Variants in SPTAN1 observed in about 807,000 individuals in gnomAD.
The protein encoded by SPTAN1 is spectrin alpha, non-erythrocytic 1, also known as spectrin alpha chain, non-erythrocytic 1.
SPTAN1 carries 61 observed loss-of-function variants against 331.3 expected under a neutral mutation model. The observed-to-expected ratio is 0.18, with a 90% confidence interval of 0.15 to 0.23. SPTAN1 has a LOEUF of 0.23. SPTAN1 is among the 10% of genes least tolerant of loss of function. SPTAN1 has a pLI of 1.00. For synonymous variants in SPTAN1, 1,153 were observed against 1,173.9 expected, an observed-to-expected ratio of 0.98 and a Z score of 0.36; for missense variants, 2,043 against 3,147.9, an observed-to-expected ratio of 0.65 and a Z score of 8.40.
At position 128,588,570 on chromosome 9, in the gene SPTAN1, C is replaced by G. The variant is rs928477604; in HGVS notation, c.2872-239C>G. Reference sequence around the variant, plus strand: ...AGGTGATCTGCCTGCCTCAGCCTCCCAAAGTGCTGAGATTACACGTATGAG... The same window carrying G: ...AGGTGATCTGCCTGCCTCAGCCTCCGAAAGTGCTGAGATTACACGTATGAG... On this transcript the variant is annotated intron_variant, in intron 20 of 56. Coordinates refer to ENST00000372739, the MANE Select transcript of SPTAN1 (RefSeq NM_001130438.3). 5.3e-5 allele frequency among the ~76,000 whole-genome samples: 8 copies of G among 152,032 alleles called. No homozygotes were observed. In the East Asian group the frequency reaches 1.5e-3, roughly 29 times the overall value.
At chr9:128,561,649 C>T (rs1253113272) in intron 1 of SPTAN1, among the ~76,000 whole-genome samples, 2 of 20,786 alleles carry the variant, frequency 9.6e-5, no homozygotes, top group Non-Finnish European at 4.9e-4. Context: ...GGCAACAGAG[C>T]GAGACTCCGT....
chr9:128,592,955 A>C (rs1172085770), intron 22 of SPTAN1, 28 bp from the exon 23 acceptor site: 4 of 1,594,542 alleles, frequency 2.5e-6, no homozygotes, highest in Non-Finnish European at 3.4e-6. Flanking sequence ...TAATTCGTGC[A>C]TGCTTTTGCT....
At position 128,627,039 on chromosome 9, in the gene SPTAN1, C is replaced by G; in HGVS notation, c.6577-347C>G. 1 of 546,418 alleles carries G rather than the reference C, an allele frequency of 1.8e-6. No homozygotes were observed. Among genetic ancestry groups the G allele is most frequent in the South Asian group, 1.5e-5 (1 of 65,284 alleles). The allele number at this position is 546,418 out of a possible 1,614,324, so 33.8% of individuals were successfully genotyped here. Reference sequence around the variant, plus strand: ...TGTTGCCCAGGCTGGTCTTCAACTCCTGGCCTCAAGCAGTCCTCCTGCCCA... The same window carrying G: ...TGTTGCCCAGGCTGGTCTTCAACTCGTGGCCTCAAGCAGTCCTCCTGCCCA... On this transcript the variant is annotated intron_variant, in intron 49 of 56. Transcript: ENST00000372739. This position sits in a 1 kb window ranked among gnomAD's most constrained non-coding sequence, Gnocchi z 4.9.
intron 1 of SPTAN1, among the ~76,000 whole-genome samples, chr9:128,556,889 G>T (rs574768274): frequency 6.6e-6 from 1 of 152,268 alleles, no homozygotes; most frequent in African/African-American, 2.4e-5. Context: ...AGAATCAACT[G>T]GTATACAATT....
intron 3 of SPTAN1, among the ~76,000 whole-genome samples, chr9:128,570,899 G>C (rs1850640788): frequency 6.6e-6 from 1 of 152,154 alleles, no homozygotes; most frequent in African/African-American, 2.4e-5. Context: ...AACCTCAGGT[G>C]ATCTGCCCGC....
At chr9:128,562,178 TC>T in intron 1 of SPTAN1, among the ~76,000 whole-genome samples, 1 of 152,122 alleles carries the variant, frequency 6.6e-6, no homozygotes, top group Non-Finnish European at 1.5e-5. Flanking sequence ...TCTGGGCTCA[TC>T]ACAACCTCCG....
chr9:128,625,262 T>TA lies in SPTAN1; in HGVS notation c.6069+84dup. ...TGGTGGCGTCTTTCACTGAGGCATT[T>TA]ATCTTCTGTTAGCCCCTGGGGATCA... On this transcript the variant is annotated intron_variant, in intron 47 of 56. Transcript: ENST00000372739. This position sits in a 1 kb window ranked among gnomAD's most constrained non-coding sequence, Gnocchi z 4.1. The TA allele has an allele frequency of 7.4e-7, 1 of 1,351,082 alleles. No individual in the cohort carries two copies. The highest frequency in any genetic ancestry group is 1.1e-6 in the Non-Finnish European group (1 of 948,632). 83.7% of individuals were successfully genotyped at this position (1,351,082 alleles called of 1,614,324 possible).
Position 128,618,086 on chromosome 9 carries a change from C to A in SPTAN1, c.5578C>A (p.Leu1860Met). 1.2e-6 allele frequency: 2 copies of A among 1,613,692 alleles called. No homozygotes were observed. Among genetic ancestry groups the A allele is most frequent in the Non-Finnish European group, 1.7e-6 (2 of 1,179,928 alleles). Residue 1860 changes from leucine to methionine, a missense_variant, in exon 43 of 57, where the codon CTG (leucine) becomes ATG (methionine). Physicochemically the swap from Leu to Met is conservative, Grantham distance 15. Around this residue, in one of 12 missense-constraint regions of SPTAN1, gnomAD observed 323 missense variants for 581.1 expected, o/e 0.56. Coordinates refer to ENST00000372739, the MANE Select transcript of SPTAN1 (RefSeq NM_001130438.3). ...LAQFVEHWKE[L>M]KQLAAARGQR... is the part of the protein sequence containing the mutation. ...GCAGTTTGTGGAGCACTGGAAAGAG[C>A]TGAAGCAGCTGGCAGCTGCCCGGTG...
chr9:128,587,362 G>A (rs1180094658), intron 19 of SPTAN1, among the ~76,000 whole-genome samples: 1 of 152,210 alleles, frequency 6.6e-6, no homozygotes, highest in Non-Finnish European at 1.5e-5. Context: ...TGGGATTACA[G>A]GCATAAGCCT....
intron 51 of SPTAN1, chr9:128,628,157 G>C (rs758499840): frequency 4.1e-6 from 3 of 740,062 alleles, no homozygotes; most frequent in South Asian, 2.8e-5. Context: ...AAGCCAGGGG[G>C]AGCCGTCCTT....
intron 9 of SPTAN1, among the ~76,000 whole-genome samples, chr9:128,578,808 A>G (rs1212282951): frequency 2.7e-5 from 4 of 147,976 alleles, no homozygotes; most frequent in Non-Finnish European, 5.9e-5. Context: ...CCGTCCGGAC[A>G]ACAAGAGTGT....
rs745544548 is a variant in SPTAN1, at chr9:128,584,560, G to C, written c.2437+35G>C. On this transcript the variant is annotated intron_variant, in intron 17 of 56. Coordinates refer to ENST00000372739, the MANE Select transcript of SPTAN1 (RefSeq NM_001130438.3). Reference sequence around the variant, plus strand: ...CTTCCCTCAGGTAGGAATCAACTTGGGAAAGGCTGTGCTATTGTAGCATAA... The same window carrying C: ...CTTCCCTCAGGTAGGAATCAACTTGCGAAAGGCTGTGCTATTGTAGCATAA... The C allele has an allele frequency of 8.1e-6, 13 of 1,613,958 alleles. 1 individual carries two copies. The South Asian group carries it at 1.4e-4, about 18-fold the overall frequency.
At chr9:128,589,758 G>A (rs906821935) in intron 21 of SPTAN1, among the ~76,000 whole-genome samples, 4 of 150,594 alleles carry the variant, frequency 2.7e-5, no homozygotes, top group Non-Finnish European at 5.9e-5. Context: ...TGTATTTTTA[G>A]TAGAGACGGG....
rs1367542460 is a variant in SPTAN1 at position 128,584,401 on chromosome 9, G to T, written c.2313G>T (p.Glu771Asp). The change falls in exon 17 of 57, where the codon GAG becomes GAT. Residue 771 changes from glutamate to aspartate, a missense_variant. Physicochemically the swap from Glu to Asp is conservative, Grantham distance 45 (BLOSUM62 2). Coordinates refer to ENST00000372739, the MANE Select transcript of SPTAN1 (RefSeq NM_001130438.3). ...TGGCTCGCTATGAGGCACTCAAGGA[G>T]CCCATGGTTGCCCGGAAGCAGAAGC... ...ALVARYEALK[E>D]PMVARKQKLA... The T allele has an allele frequency of 1.2e-6, 2 of 1,614,184 alleles. No individual in the cohort carries two copies. Among genetic ancestry groups the T allele is most frequent in the South Asian group, 2.2e-5 (2 of 91,084 alleles).
intron 1 of SPTAN1, among the ~76,000 whole-genome samples, chr9:128,562,135 A>AT (rs1053871472): frequency 1.3e-5 from 2 of 151,856 alleles, no homozygotes; most frequent in African/African-American, 4.8e-5. Flanking sequence ...TATATTTTTT[A>AT]TTTTTTTGAC....
At chr9:128,600,745 C>A (rs1194849101) in intron 27 of SPTAN1, among the ~76,000 whole-genome samples, 1 of 152,064 alleles carries the variant, frequency 6.6e-6, no homozygotes, top group Non-Finnish European at 1.5e-5. Context: ...TCACTGCAAC[C>A]TCCGCCTCCC....
intron 18 of SPTAN1, among the ~76,000 whole-genome samples, chr9:128,585,488 T>A (rs572157016): frequency 7.9e-5 from 12 of 152,298 alleles, no homozygotes; most frequent in Non-Finnish European, 1.6e-4. Context: ...CTAGTCTTTA[T>A]GATACTATCA....
intron 34 of SPTAN1, among the ~76,000 whole-genome samples, chr9:128,608,570 T>C (rs1856197154): frequency 6.6e-6 from 1 of 152,222 alleles, no homozygotes; most frequent in African/African-American, 2.4e-5. Flanking sequence ...TATACGTCAC[T>C]TTGCTGTAAA....
At chr9:128,558,643 CT>C (rs1848933307) in intron 1 of SPTAN1, among the ~76,000 whole-genome samples, 1 of 152,102 alleles carries the variant, frequency 6.6e-6, no homozygotes. Context: ...TTCTGGTGCT[CT>C]CAAAAGGCGT....
Sources: allele counts gnomAD v4.1 joint callset (sites outside exome capture counted in the v4.1 genomes callset), GRCh38; gene constraint gnomAD v4.1.1; regional missense constraint gnomAD v4.1.1; non-coding constraint Gnocchi (gnomAD v3.1); transcripts MANE v1.5; gene names NCBI Gene and HGNC (gene_info 2026-07-23, HGNC 2026-07-21).